Variants in TOMM70 observed in about 807,000 individuals in gnomAD.
TOMM70 encodes the protein translocase of outer mitochondrial membrane 70, also known as mitochondrial import receptor subunit TOM70.
A neutral mutation model predicts 73.6 loss-of-function variants in TOMM70; 13 were observed. The observed-to-expected ratio is 0.18, with a 90% CI of 0.11 to 0.28. TOMM70 has a LOEUF of 0.28. TOMM70 is among the 10% of genes least tolerant of loss of function. The probability of loss-of-function intolerance (pLI) is 1.00; values close to 1 mark genes in which losing one functional copy is unlikely to be tolerated. For missense variants in TOMM70, 609 were observed against 747.5 expected, an observed-to-expected ratio of 0.81 and a Z score of 2.16; for synonymous variants, 257 against 271.2, an observed-to-expected ratio of 0.95 and a Z score of 0.51.
chr3:100,400,523 T>C (rs1383201787), intron 1 of TOMM70, 103 bp downstream of exon 1: 15 of 1,358,528 alleles, frequency 1.1e-5, no homozygotes, highest in Non-Finnish European at 1.5e-5. Flanking sequence ...GTGCTGCCGC[T>C]TGGCAGCTTC....
intron 8 of TOMM70, among the ~76,000 whole-genome samples, chr3:100,373,212 G>A (rs1706529706): frequency 6.6e-6 from 1 of 151,664 alleles, no homozygotes; most frequent in African/African-American, 2.4e-5. Context: ...TATGAAGCAG[G>A]GGTGAGAGAG....
At chr3:100,378,841 A>C (rs1226964589) in intron 5 of TOMM70, among the ~76,000 whole-genome samples, 2 of 151,994 alleles carry the variant, frequency 1.3e-5, no homozygotes, top group Non-Finnish European at 2.9e-5. Flanking sequence ...CCCATCTCTA[A>C]TAAAAATACA....
intron 1 of TOMM70, among the ~76,000 whole-genome samples, chr3:100,392,391 CAT>C (rs1402056575): frequency 6.6e-6 from 1 of 152,148 alleles, no homozygotes; most frequent in Non-Finnish European, 1.5e-5. Context: ...CATTGGGAAA[CAT>C]ATCTTTTCAA....
At chr3:100,385,650 A>T (rs1229925514) in intron 3 of TOMM70, among the ~76,000 whole-genome samples, 1 of 152,224 alleles carries the variant, frequency 6.6e-6, no homozygotes, top group Non-Finnish European at 1.5e-5. Flanking sequence ...ACCACAGAAT[A>T]TTTATGGCAT....
At chr3:100,368,305 C>T in intron 10 of TOMM70, 139 bp from the exon 11 acceptor site, 1 of 1,069,090 alleles carries the variant, frequency 9.4e-7, no homozygotes, top group Non-Finnish European at 1.3e-6. Context: ...TAATCAGCAT[C>T]AAATTGTGTT....
chr3:100,372,678 T>C lies in TOMM70; in HGVS notation c.1380A>G (p.Ala460=). The C allele has an allele frequency of 3.7e-6, 6 of 1,614,130 alleles. No individual in the cohort carries two copies. The South Asian group carries it at 6.6e-5, about 18-fold the overall frequency. The part of the protein sequence containing the change: ...YTGNNSSQIQ[A]AMKGFEEVIK... ...TGACCTCTTCAAAACCTTTCATAGC[T>C]GCTTGGATTTGTGAAGAGTTGTTTC... Residue 460 remains alanine, a synonymous_variant, in exon 9 of 12, where the codon GCA becomes GCG. Coordinates refer to ENST00000284320, the MANE Select transcript of TOMM70 (RefSeq NM_014820.5).
At chr3:100,385,197 A>T (rs1487425066) in intron 3 of TOMM70, among the ~76,000 whole-genome samples, 1 of 152,224 alleles carries the variant, frequency 6.6e-6, no homozygotes, top group Non-Finnish European at 1.5e-5. Flanking sequence ...CTGCTGATAT[A>T]TTCCCCTGAT....
chr3:100,393,380 G>A (rs1283689238), intron 1 of TOMM70, among the ~76,000 whole-genome samples: 1 of 152,082 alleles, frequency 6.6e-6, no homozygotes, highest in Admixed American at 6.6e-5. Flanking sequence ...TCACTTATAA[G>A]TGGGAGCTAA....
chr3:100,367,245 A>G (rs1047222463), intron 11 of TOMM70, among the ~76,000 whole-genome samples: 1 of 152,008 alleles, frequency 6.6e-6, no homozygotes, highest in Admixed American at 6.5e-5. Flanking sequence ...TAATATTTAC[A>G]TGCCACTGTG....
intron 11 of TOMM70, among the ~76,000 whole-genome samples, chr3:100,367,551 G>T (rs991677381): frequency 2.6e-5 from 4 of 152,150 alleles, no homozygotes; most frequent in Admixed American, 2.0e-4. Context: ...TGGGGATGAA[G>T]ATTAATTGAA....
rs1402070664 is a variant in TOMM70 at position 100,364,530 on chromosome 3, CTG to C, written c.*1032_*1033del. ...TATTTGGGTTTTACATACAAGCAATCTGCACTTTGATTTTAAAAAAGTTCTAA... is the reference window on the plus strand; with the variant it reads ...TATTTGGGTTTTACATACAAGCAATCCACTTTGATTTTAAAAAAGTTCTAA... On this transcript the variant is annotated 3_prime_UTR_variant, in exon 12 of 12. Coordinates refer to ENST00000284320, the MANE Select transcript of TOMM70 (RefSeq NM_014820.5). 1 of 152,136 alleles carries C rather than the reference CTG, an allele frequency of 6.6e-6. No homozygotes were observed. Among genetic ancestry groups the C allele is most frequent in the African/African-American group, 2.4e-5 (1 of 41,410 alleles). The allele number at this position is 152,136 out of a possible 1,614,324, so 9.4% of individuals were successfully genotyped here. A position where few individuals can be genotyped will look rare whatever the true frequency, so the allele number is the denominator to read the frequency against.
At position 100,365,532 on chromosome 3, in the gene TOMM70, T is replaced by G. The variant is rs773777768; in HGVS notation, c.*32A>C. Reference sequence around the variant, plus strand: ...TTCAGTTGAAGAGGGGGTAAACTTTTAAAAAGAGGGTCAGTCTGCTTTCCC... The same window carrying G: ...TTCAGTTGAAGAGGGGGTAAACTTTGAAAAAGAGGGTCAGTCTGCTTTCCC... On this transcript the variant is annotated 3_prime_UTR_variant, in exon 12 of 12. Transcript: ENST00000284320. The G allele has an allele frequency of 1.2e-6, 2 of 1,613,708 alleles. No homozygotes were observed. Among genetic ancestry groups the G allele is most frequent in the South Asian group, 1.1e-5 (1 of 91,064 alleles).
chr3:100,391,789 T>G (rs139569435), intron 1 of TOMM70, among the ~76,000 whole-genome samples: 1,720 of 152,174 alleles, frequency 0.011, 21 homozygotes, highest in African/African-American at 0.039. Flanking sequence ...TAAGCTAAGG[T>G]TAATTATCGA....
At chr3:100,392,221 A>G (rs930228400) in intron 1 of TOMM70, among the ~76,000 whole-genome samples, 6 of 152,228 alleles carry the variant, frequency 3.9e-5, no homozygotes, top group Non-Finnish European at 5.9e-5. Context: ...TAAGTGATGC[A>G]TGACTATATA....
At chr3:100,378,100 C>T (rs550176377) in intron 5 of TOMM70, among the ~76,000 whole-genome samples, 188 bp from the exon 6 acceptor site, 23 of 151,934 alleles carry the variant, frequency 1.5e-4, no homozygotes, top group Admixed American at 4.6e-4. Flanking sequence ...AAAAATTAGC[C>T]GGGCGTGGAG....
At chr3:100,395,088 G>A (rs940447934) in intron 1 of TOMM70, among the ~76,000 whole-genome samples, 3 of 152,134 alleles carry the variant, frequency 2.0e-5, no homozygotes, top group South Asian at 2.1e-4. Context: ...TAAGATTTAC[G>A]GCCAGGCGCG....
intron 6 of TOMM70, 43 bp from the exon 7 acceptor site, chr3:100,375,195 T>C (rs776899912): frequency 1.1e-5 from 16 of 1,500,354 alleles, no homozygotes; most frequent in African/African-American, 2.8e-5. Flanking sequence ...TACTTTTTTT[T>C]CCCTCCAATC....
At chr3:100,384,876 T>C (rs1007528792) in intron 3 of TOMM70, among the ~76,000 whole-genome samples, 6 of 152,214 alleles carry the variant, frequency 3.9e-5, no homozygotes, top group African/African-American at 1.4e-4. Flanking sequence ...AACATTCTCT[T>C]CTGGCTAGCA....
rs1706479741 is a variant in TOMM70 at position 100,369,034 on chromosome 3, A to G, written c.1550+4T>C. ...CTCATTGGAACAATCACAAAAATAC[A>G]TACCCTTTATGAACATATGTTGTAG... On this transcript the variant is annotated splice_donor_region_variant and intron_variant, in intron 10 of 11. Coordinates refer to ENST00000284320, the MANE Select transcript of TOMM70 (RefSeq NM_014820.5). The G allele has an allele frequency of 1.3e-6, 2 of 1,578,186 alleles. No individual in the cohort carries two copies. Among genetic ancestry groups the G allele is most frequent in the African/African-American group, 1.4e-5 (1 of 73,698 alleles).
Sources: allele counts gnomAD v4.1 joint callset (sites outside exome capture counted in the v4.1 genomes callset), GRCh38; gene constraint gnomAD v4.1.1; transcripts MANE v1.5; gene names NCBI Gene and HGNC (gene_info 2026-07-23, HGNC 2026-07-21).